Variants in DGKD observed in about 807,000 individuals in gnomAD.
The protein encoded by DGKD is diacylglycerol kinase delta.
Under a neutral mutation model 154.4 loss-of-function variants are expected in DGKD, and 68 were observed. That is an observed-to-expected ratio of 0.44 (90% CI 0.36 to 0.54). DGKD has a LOEUF of 0.54. Among genes scored for constraint, DGKD ranks in the 20% least tolerant of loss-of-function variants. DGKD has a pLI of 0.00. For missense variants in DGKD, 1,343 were observed against 1,593.6 expected, an observed-to-expected ratio of 0.84 and a Z score of 2.68; for synonymous variants, 693 against 638.0, an observed-to-expected ratio of 1.09 and a Z score of -1.30.
At position 233,470,533 on chromosome 2, in the gene DGKD, G is replaced by T; in HGVS notation, c.*1073G>T. On this transcript the variant is annotated 3_prime_UTR_variant, in exon 30 of 30. Transcript: ENST00000264057. ...CAGGGACTCTGATTTGGTGGTCCGC[G>T]CTGCCCCTGCCCTGCCTCTGTCCTG... 6.5e-6 allele frequency: 1 copy of T among 152,770 alleles called. No individual in the cohort carries two copies. Among genetic ancestry groups the T allele is most frequent in the Non-Finnish European group, 1.5e-5 (1 of 68,394 alleles). The allele number at this position is 152,770 out of a possible 1,614,324, so 9.5% of individuals were successfully genotyped here. A position where few individuals can be genotyped will look rare whatever the true frequency, so the allele number is the denominator to read the frequency against.
chr2:233,456,956 C>G lies in DGKD; in HGVS notation c.2433C>G (p.His811Gln), dbSNP rs2063480886. Residue 811 changes from histidine (H) to glutamine (Q), a missense_variant, in exon 20 of 30, where the codon CAC becomes CAG. This residue lies in a region of DGKD where 60 missense variants were observed against 112.4 expected (regional missense o/e 0.53). Transcript: ENST00000264057. ...YGVLGTKELL[H>Q]RTYKNLEQKV... ...TTCTTGGAACCAAAGAGTTGCTGCACAGAACCTACAAGAACCTGGAGCAAA... is the reference window on the plus strand; with the variant it reads ...TTCTTGGAACCAAAGAGTTGCTGCAGAGAACCTACAAGAACCTGGAGCAAA... 6.2e-7 allele frequency: 1 copy of G among 1,614,202 alleles called. No individual in the cohort carries two copies. The highest frequency in any genetic ancestry group is 8.5e-7 in the Non-Finnish European group (1 of 1,180,024).
At chr2:233,382,813 A>G (rs1702967153) in intron 1 of DGKD, among the ~76,000 whole-genome samples, 1 of 152,200 alleles carries the variant, frequency 6.6e-6, no homozygotes, top group Non-Finnish European at 1.5e-5. Flanking sequence ...TGGAGTATAC[A>G]CATAAGTTGT....
At chr2:233,437,631 G>T in intron 8 of DGKD, 152 bp downstream of exon 8, 1 of 770,612 alleles carries the variant, frequency 1.3e-6, no homozygotes. Flanking sequence ...GAGTTGCACA[G>T]AGCGGCACAC....
chr2:233,434,972 C>A, intron 5 of DGKD, 71 bp downstream of exon 5: 3 of 1,551,012 alleles, frequency 1.9e-6, no homozygotes, highest in Non-Finnish European at 2.6e-6. Context: ...CCTTGGAAAT[C>A]CAAACCCAGT....
intron 5 of DGKD, 121 bp downstream of exon 5, chr2:233,435,022 G>T: frequency 7.3e-7 from 1 of 1,369,108 alleles, no homozygotes; most frequent in East Asian, 2.3e-5. Flanking sequence ...GGTCAGTCAA[G>T]GGCACAGCGA....
At chr2:233,469,212 C>T (rs562969167) in intron 29 of DGKD, among the ~76,000 whole-genome samples, 159 bp from the exon 30 acceptor site, 80 of 152,376 alleles carry the variant, frequency 5.3e-4, no homozygotes, top group Admixed American at 5.2e-4. Flanking sequence ...ATGGTTGTTA[C>T]TTTTAAGCTG....
intron 3 of DGKD, among the ~76,000 whole-genome samples, chr2:233,430,771 C>A (rs909910652): frequency 5.9e-5 from 9 of 152,304 alleles, no homozygotes; most frequent in East Asian, 1.9e-4. Flanking sequence ...ACCCTGTTTA[C>A]CTCCTGTCAG....
At chr2:233,416,126 T>A (rs1370963135) in intron 3 of DGKD, among the ~76,000 whole-genome samples, 2 of 152,224 alleles carry the variant, frequency 1.3e-5, no homozygotes, top group African/African-American at 4.8e-5. Flanking sequence ...TTATGTTTTA[T>A]TGTGGTAGAA....
chr2:233,367,840 C>CTTTTTCTTTTCTTT (rs1559474213), intron 1 of DGKD, among the ~76,000 whole-genome samples: 1 of 132,740 alleles, frequency 7.5e-6, no homozygotes, highest in Non-Finnish European at 1.6e-5. Flanking sequence ...TTTTCTTCCT[C>CTTTTTCTTTTCTTT]TTTTTTTTTT....
Position 233,398,002 on chromosome 2 carries a change from GT to G in DGKD, c.348+7526del, listed in dbSNP as rs201457421. On this transcript the variant is annotated intron_variant, in intron 3 of 29. Transcript: ENST00000264057. ...TAGCCTTATTTTATTTAATTTGTTGGTTTTTTTCCTAGTTCTAGTTATCAAA... is the reference window on the plus strand; with the variant it reads ...TAGCCTTATTTTATTTAATTTGTTGGTTTTTTCCTAGTTCTAGTTATCAAA... 7.2e-5 allele frequency among the ~76,000 whole-genome samples: 11 copies of G among 151,836 alleles called. No individual in the cohort carries two copies. In the South Asian group the frequency reaches 1.2e-3, roughly 17 times the overall value.
chr2:233,406,546 G>A (rs1000507764), intron 3 of DGKD, among the ~76,000 whole-genome samples: 2 of 152,324 alleles, frequency 1.3e-5, no homozygotes, highest in African/African-American at 2.4e-5. Context: ...ACGGGGAGAC[G>A]AGGAGAGGAG....
rs752957005 is a variant in DGKD at position 233,459,802 on chromosome 2, G to A, written c.2740G>A (p.Val914Met). The A allele has an allele frequency of 6.2e-7, 1 of 1,614,138 alleles. No individual in the cohort carries two copies. The highest frequency in any genetic ancestry group is 8.5e-7 in the Non-Finnish European group (1 of 1,180,008). ...CATCCTTGGGGATGAGGGCGTGCCT[G>A]TGCAGGTGGACGGAGAGGCCTGGGT... ...ISILGDEGVP[V>M]QVDGEAWVQP... is the part of the protein sequence containing the mutation. Residue 914 changes from valine to methionine, a missense_variant, in exon 23 of 30, where the codon GTG becomes ATG. Physicochemically the swap from Val to Met is conservative, Grantham distance 21. This residue lies in a region of DGKD where 429 missense variants were observed against 496.3 expected (regional missense o/e 0.86). Transcript: ENST00000264057. This position sits in a 1 kb window ranked among gnomAD's most constrained non-coding sequence, Gnocchi z 5.7.
At chr2:233,382,990 G>A (rs1384817644) in intron 1 of DGKD, among the ~76,000 whole-genome samples, 1 of 151,296 alleles carries the variant, frequency 6.6e-6, no homozygotes, top group Non-Finnish European at 1.5e-5. Flanking sequence ...TTTCTCTTTG[G>A]TGGTTTTTCT....
At chr2:233,462,517 C>T (rs553156511) in intron 25 of DGKD, 58 bp downstream of exon 25, 4 of 1,547,838 alleles carry the variant, frequency 2.6e-6, no homozygotes, top group Admixed American at 1.7e-5. Context: ...GCCCTCGGCC[C>T]TCCCCGTGCG....
At chr2:233,368,686 C>A (rs940279646) in intron 1 of DGKD, among the ~76,000 whole-genome samples, 1 of 152,036 alleles carries the variant, frequency 6.6e-6, no homozygotes, top group Non-Finnish European at 1.5e-5. Flanking sequence ...CAACCCTAAA[C>A]CCCCACACCC....
intron 2 of DGKD, 85 bp from the exon 3 acceptor site, chr2:233,390,318 T>G: frequency 2.2e-6 from 2 of 929,464 alleles, no homozygotes; most frequent in Non-Finnish European, 1.7e-6. Context: ...TTAGGGATCA[T>G]TGGGGTGTGG....
At chr2:233,454,233 TCTG>T in intron 18 of DGKD, 1 of 366,698 alleles carries the variant, frequency 2.7e-6, no homozygotes, top group South Asian at 2.1e-5. Flanking sequence ...CCAGTGTCCG[TCTG>T]CTGATGAGCA....
chr2:233,411,540 T>C (rs1375878956), intron 3 of DGKD, among the ~76,000 whole-genome samples: 4 of 152,246 alleles, frequency 2.6e-5, no homozygotes, highest in African/African-American at 7.2e-5. Context: ...TGGGTTCTTA[T>C]TGAGTTGTAA....
rs899354636 is a variant in DGKD at position 233,458,450 on chromosome 2, T to C, written c.2694+53T>C. The C allele has an allele frequency of 4.5e-5, 65 of 1,435,820 alleles. No homozygotes were observed. The highest frequency in any genetic ancestry group is 3.9e-4 in the Admixed American group (22 of 56,946). 88.9% of individuals were successfully genotyped at this position (1,435,820 alleles called of 1,614,324 possible). A position where few individuals can be genotyped will look rare whatever the true frequency, so the allele number is the denominator to read the frequency against. On this transcript the variant is annotated intron_variant, in intron 22 of 29. Coordinates refer to ENST00000264057, the MANE Select transcript of DGKD (RefSeq NM_152879.3). The surrounding 1 kb of genome is among the most constrained non-coding windows in gnomAD (Gnocchi z 6.6). ...GCCGAGTCCCCAGCCCGGAGTGTGCTAAATTCTGGGGCAGTGCATGGAGCC... is the reference window on the plus strand; with the variant it reads ...GCCGAGTCCCCAGCCCGGAGTGTGCCAAATTCTGGGGCAGTGCATGGAGCC...
Sources: gnomAD v4.1 joint callset for allele counts (sites outside exome capture counted in the v4.1 genomes callset) on GRCh38, gnomAD v4.1.1 for gene constraint, gnomAD v4.1.1 regional missense constraint, Gnocchi (gnomAD v3.1) non-coding constraint, MANE v1.5 for transcripts, NCBI Gene and HGNC (gene_info 2026-07-23, HGNC 2026-07-21) for gene names.